The following SMG5 variants were observed in gnomAD, a reference collection of about 807,000 sequenced individuals.
SMG5 encodes SMG5 nonsense mediated mRNA decay factor.
A neutral mutation model predicts 122.9 loss-of-function variants in SMG5; 53 were observed. The ratio of observed to expected loss-of-function variants is 0.43; its 90% CI spans 0.35 to 0.54. The LOEUF is 0.54. Ranked by LOEUF, SMG5 falls within the 20% of genes least tolerant of loss-of-function variation. The pLI is 0.01. For synonymous variants in SMG5, 477 were observed against 490.2 expected (o/e 0.97, Z 0.35); for missense variants, 1,153 against 1,285.6 (o/e 0.90, Z 1.58).
the SMG5 span, chr1:156,291,329 C>A: frequency 6.4e-7 from 1 of 1,551,540 alleles, no homozygotes; most frequent in Non-Finnish European, 8.9e-7. Context: ...AGCCTATTGC[C>A]AATCAGCTGA....
rs751182221 is a variant in SMG5 at position 156,277,095 on chromosome 1, G to A, written c.444C>T (p.Asp148=). The A allele has an allele frequency of 1.2e-6, 2 of 1,613,390 alleles. No individual in the cohort carries two copies. Among genetic ancestry groups the A allele is most frequent in the African/African-American group, 1.3e-5 (1 of 74,910 alleles). Residue 148 remains aspartate (D), a synonymous_variant, in exon 4 of 22, where the codon GAC becomes GAT. Transcript: ENST00000361813. ...TCAGGTTCCACTGACCTATGAGGGG[G>A]TCAGTGACATGGGTCCAGTCGATGC... ...QCCIDWTHVT[D]PLIGCKKPVS...
chr1:156,258,230 G>A (rs1661665406), intron 16 of SMG5, among the ~76,000 whole-genome samples: 1 of 152,216 alleles, frequency 6.6e-6, no homozygotes, highest in Non-Finnish European at 1.5e-5. Context: ...CTATTCCTCA[G>A]TCTTTATCCC....
At chr1:156,268,943 A>G (rs868639154) in intron 7 of SMG5, among the ~76,000 whole-genome samples, 3 of 151,630 alleles carry the variant, frequency 2.0e-5, no homozygotes, top group Middle Eastern at 3.5e-3. Flanking sequence ...CACAGCTAAC[A>G]CATGGTAGAG....
rs1432050023 is a variant in SMG5, at chr1:156,263,523, A to G, written c.1903T>C (p.Ser635Pro). The G allele has an allele frequency of 6.2e-7, 1 of 1,614,212 alleles. No individual in the cohort carries two copies. Among genetic ancestry groups the G allele is most frequent in the Non-Finnish European group, 8.5e-7 (1 of 1,180,024 alleles). ...TGGATGCTGCGCTCATTCCGACAGGAGCGTCCACTGGACTCACTCCCCTCC... is the reference window on the plus strand; with the variant it reads ...TGGATGCTGCGCTCATTCCGACAGGGGCGTCCACTGGACTCACTCCCCTCC... ...ESEGSESSGR[S>P]CRNERSIQEK... The change falls in exon 13 of 22, where the codon TCC becomes CCC. Residue 635 changes from serine (S) to proline (P), a missense_variant. Physicochemically the swap from Ser to Pro is moderately conservative, Grantham distance 74. This residue lies in a region of SMG5 where 631 missense variants were observed against 650.6 expected (regional missense o/e 0.97). Coordinates refer to ENST00000361813, the MANE Select transcript of SMG5 (RefSeq NM_015327.3).
In SMG5 at chr1:156,251,414, A is replaced by G. The variant is rs779623372; in HGVS notation, c.2817T>C (p.Asp939=). The G allele has an allele frequency of 7.4e-6, 12 of 1,614,090 alleles. No homozygotes were observed. In the Admixed American group the frequency reaches 1.7e-4, roughly 22 times the overall value. Residue 939 remains aspartate, a synonymous_variant, in exon 20 of 22, where the codon GAT becomes GAC. Coordinates refer to ENST00000361813, the MANE Select transcript of SMG5 (RefSeq NM_015327.3). ...SFERHKLKRQ[D]ADAWTLYKIL... is the part of the protein sequence containing the mutation. ...GGCTAAAATGTTACCAGGCATCTGC[A>G]TCCTGCCTCTTCAGCTTATGCCGCT...
chr1:156,272,626 G>A (rs1347515974), intron 6 of SMG5, among the ~76,000 whole-genome samples: 1 of 151,734 alleles, frequency 6.6e-6, no homozygotes, highest in Non-Finnish European at 1.5e-5. Context: ...AGGCTGGAGT[G>A]CAGTGGTGTG....
chr1:156,282,354 G>A (rs1662990908), intron 1 of SMG5, among the ~76,000 whole-genome samples: 1 of 151,926 alleles, frequency 6.6e-6, no homozygotes, highest in South Asian at 2.1e-4. Flanking sequence ...ACCAAGCTTA[G>A]TGCCCGCCCC....
At position 156,268,266 on chromosome 1, in the gene SMG5, G is replaced by T. The variant is rs200380861; in HGVS notation, c.839+24C>A. ...ACTGCACCAACTGCAGAAAAAACCC[G>T]TCCTCCTCACAGGCCCCACTCACCG... is the stretch of plus-strand genomic sequence containing the variant. On this transcript the variant is annotated intron_variant, in intron 8 of 21. Transcript: ENST00000361813. 5 of 1,614,032 alleles carry T rather than the reference G, an allele frequency of 3.1e-6. No individual in the cohort carries two copies. In the South Asian group the frequency reaches 5.5e-5, roughly 18 times the overall value.
chr1:156,267,763 G>T, intron 9 of SMG5, 85 bp from the exon 10 acceptor site: 2 of 1,236,452 alleles, frequency 1.6e-6, no homozygotes, highest in Non-Finnish European at 2.3e-6. Flanking sequence ...TCAGAGAAAG[G>T]ACTATGGGAT....
the SMG5 span, chr1:156,291,463 G>A: frequency 6.2e-7 from 1 of 1,613,816 alleles, no homozygotes; most frequent in South Asian, 1.1e-5. Context: ...TGCCACTGCT[G>A]TCGATGCTGA....
At chr1:156,271,396 T>G (rs959521710) in intron 7 of SMG5, among the ~76,000 whole-genome samples, 1 of 152,262 alleles carries the variant, frequency 6.6e-6, no homozygotes, top group South Asian at 2.1e-4. Context: ...TAGCACTGAT[T>G]AGGTGACAAA....
At chr1:156,261,983 G>GC (rs1458335295) in intron 13 of SMG5, among the ~76,000 whole-genome samples, 2 of 151,254 alleles carry the variant, frequency 1.3e-5, no homozygotes, top group Non-Finnish European at 1.5e-5. Flanking sequence ...GATTGCTTGA[G>GC]CCCAGGAGGT....
At chr1:156,270,049 A>G (rs1256992341) in intron 7 of SMG5, among the ~76,000 whole-genome samples, 1 of 149,094 alleles carries the variant, frequency 6.7e-6, no homozygotes, top group African/African-American at 2.4e-5. Flanking sequence ...CAAACAAACA[A>G]ACAAACAAAA....
intron 12 of SMG5, among the ~76,000 whole-genome samples, chr1:156,264,786 G>T (rs1662039417): frequency 6.6e-6 from 1 of 152,156 alleles, no homozygotes; most frequent in Non-Finnish European, 1.5e-5. Context: ...AGCACTTTGG[G>T]AGGCCAAGGT....
At chr1:156,272,421 C>T (rs758100216) in intron 6 of SMG5, 23 bp from the exon 7 acceptor site, 2 of 1,578,820 alleles carry the variant, frequency 1.3e-6, no homozygotes, top group Non-Finnish European at 1.7e-6. Context: ...AGAATTCATG[C>T]AGTCTAAGGC....
chr1:156,272,786 A>G (rs1662493743), intron 6 of SMG5, among the ~76,000 whole-genome samples: 2 of 151,994 alleles, frequency 1.3e-5, no homozygotes, highest in South Asian at 4.1e-4. Flanking sequence ...CCGTGGTCTC[A>G]ATCTCCTGAC....
upstream of SMG5, among the ~76,000 whole-genome samples, chr1:156,287,362 G>C (rs1049398810): frequency 6.6e-6 from 1 of 152,152 alleles, no homozygotes; most frequent in Non-Finnish European, 1.5e-5. Flanking sequence ...GTTGCAGTGA[G>C]CCAAGATCGC....
chr1:156,266,771 T>C (rs1318955632), intron 10 of SMG5, 93 bp from the exon 11 acceptor site: 2 of 1,391,540 alleles, frequency 1.4e-6, no homozygotes, highest in Non-Finnish European at 1.9e-6. Context: ...TTCTCAACTC[T>C]TCCAAGGATC....
chr1:156,264,646 A>AG (rs1410635064), intron 12 of SMG5, among the ~76,000 whole-genome samples: 5 of 152,232 alleles, frequency 3.3e-5, no homozygotes, highest in South Asian at 2.1e-4. Flanking sequence ...GCTAAAATCT[A>AG]GTGGGGGCAA....
Sources: allele counts gnomAD v4.1 joint callset (sites outside exome capture counted in the v4.1 genomes callset), GRCh38; gene constraint gnomAD v4.1.1; regional missense constraint gnomAD v4.1.1; transcripts MANE v1.5; gene names NCBI Gene and HGNC (gene_info 2026-07-23, HGNC 2026-07-21).